Variants in TRPC7 observed in about 807,000 individuals in gnomAD.
TRPC7 encodes short transient receptor potential channel 7.
Under a neutral mutation model 90.1 loss-of-function variants are expected in TRPC7, and 42 were observed. The observed-to-expected ratio is 0.47, with a 90% confidence interval of 0.36 to 0.60. The LOEUF (loss-of-function observed/expected upper bound fraction) is 0.60. Among genes scored for constraint, TRPC7 ranks in the 20% least tolerant of loss-of-function variants. The pLI is 0.00. For missense variants in TRPC7, 955 were observed against 1,112.3 expected, an observed-to-expected ratio of 0.86 and a Z score of 2.01; for synonymous variants, 451 against 436.3, an observed-to-expected ratio of 1.03 and a Z score of -0.42.
At chr5:136,289,711 C>A (rs1049794309) in intron 3 of TRPC7, among the ~76,000 whole-genome samples, 1 of 152,246 alleles carries the variant, frequency 6.6e-6, no homozygotes, top group Non-Finnish European at 1.5e-5. Context: ...GGCTCCACCT[C>A]TAGGGGCAGG....
At position 136,357,053 on chromosome 5, in the gene TRPC7, A is replaced by C; in HGVS notation, c.335T>G (p.Leu112Arg). The C allele has an allele frequency of 6.2e-7, 1 of 1,613,680 alleles. No homozygotes were observed. The highest frequency in any genetic ancestry group is 1.6e-4 in the Middle Eastern group (1 of 6,062). Residue 112 changes from leucine (L) to arginine (R), a missense_variant, in exon 2 of 12, where the codon CTG becomes CGG. Transcript: ENST00000513104. ...GCGCACATAGCCCTTGCTGATGGCC[A>C]GCAGCAGCGCGTCCCCCACCCGTGC... Reference protein sequence around the residue: ...NLARVGDALLLAISKGYVRIV... With the variant: ...NLARVGDALLRAISKGYVRIV...
At chr5:136,290,685 G>A (rs1368384564) in intron 3 of TRPC7, among the ~76,000 whole-genome samples, 3 of 152,178 alleles carry the variant, frequency 2.0e-5, no homozygotes, top group African/African-American at 7.2e-5. Flanking sequence ...TGAAAGTGAC[G>A]GGGAGAATGG....
At chr5:136,299,188 C>T (rs1306057696) in intron 3 of TRPC7, among the ~76,000 whole-genome samples, 1 of 151,902 alleles carries the variant, frequency 6.6e-6, no homozygotes, top group Non-Finnish European at 1.5e-5. Context: ...GTAATCCCAG[C>T]TACTCGGGAG....
At chr5:136,225,026 G>A (rs983869960) in intron 10 of TRPC7, among the ~76,000 whole-genome samples, 5 of 152,194 alleles carry the variant, frequency 3.3e-5, no homozygotes, top group Non-Finnish European at 4.4e-5. Flanking sequence ...ACTTATCTGT[G>A]TGTTGACTTG....
At chr5:136,219,673 G>T (rs1424301607) in intron 10 of TRPC7, among the ~76,000 whole-genome samples, 1 of 152,206 alleles carries the variant, frequency 6.6e-6, no homozygotes, top group Admixed American at 6.5e-5. Context: ...GGTTGAGGCA[G>T]GAGAATTGCT....
chr5:136,285,764 CTA>C (rs1166684411), intron 3 of TRPC7, among the ~76,000 whole-genome samples: 9 of 152,308 alleles, frequency 5.9e-5, no homozygotes, highest in Middle Eastern at 3.4e-3. Flanking sequence ...TGGCTGCTAA[CTA>C]TGCTTAGAAA....
Position 136,213,356 on chromosome 5 carries a change from T to A in TRPC7, c.*79A>T, listed in dbSNP as rs1755154151. 2.0e-6 allele frequency: 3 copies of A among 1,490,546 alleles called. No individual in the cohort carries two copies. The highest frequency in any genetic ancestry group is 2.5e-5 in the South Asian group (2 of 79,032). 92.3% of individuals were successfully genotyped at this position (1,490,546 alleles called of 1,614,324 possible). On this transcript the variant is annotated 3_prime_UTR_variant, in exon 12 of 12. Coordinates refer to ENST00000513104, the MANE Select transcript of TRPC7 (RefSeq NM_020389.3). Reference sequence around the variant, plus strand: ...CCTAGAGGAGTGGGCTGGGGACCCCTCCCCACCAAGGATGGGGGCGAGGGC... The same window carrying A: ...CCTAGAGGAGTGGGCTGGGGACCCCACCCCACCAAGGATGGGGGCGAGGGC...
chr5:136,287,085 G>A (rs778205824), intron 3 of TRPC7, among the ~76,000 whole-genome samples: 10 of 152,134 alleles, frequency 6.6e-5, no homozygotes, highest in Non-Finnish European at 1.5e-4. Flanking sequence ...CGCTCCCTAA[G>A]CCATGAACGC....
intron 6 of TRPC7, among the ~76,000 whole-genome samples, chr5:136,248,635 A>G (rs2149804520): frequency 6.6e-6 from 1 of 152,330 alleles, no homozygotes; most frequent in East Asian, 1.9e-4. Context: ...TTGCCACGAC[A>G]GCCCTGTTCC....
At chr5:136,262,373 C>CT (rs1171106337) in intron 5 of TRPC7, among the ~76,000 whole-genome samples, 1 of 152,192 alleles carries the variant, frequency 6.6e-6, no homozygotes, top group Non-Finnish European at 1.5e-5. Flanking sequence ...CTGAATCCAG[C>CT]TTTAACACAT....
chr5:136,286,743 T>G (rs1023963735), intron 3 of TRPC7, among the ~76,000 whole-genome samples: 1 of 152,128 alleles, frequency 6.6e-6, no homozygotes, highest in Admixed American at 6.5e-5. Flanking sequence ...TGCCCATCAG[T>G]TTCTAGTTAT....
chr5:136,314,944 C>G (rs1370948420), intron 3 of TRPC7, among the ~76,000 whole-genome samples: 1 of 152,098 alleles, frequency 6.6e-6, no homozygotes, highest in Non-Finnish European at 1.5e-5. Context: ...ACATAATTTA[C>G]TTTTGCTCCT....
rs1459257381 is a variant in TRPC7 at position 136,226,058 on chromosome 5, C to T, written c.2238G>A (p.Met746Ile). Reference sequence around the variant, plus strand: ...CCTTGAATTTGGAATTCAGCATGCCCATTTCAAGGTCATTTTCACAGCTTT... The same window carrying T: ...CCTTGAATTTGGAATTCAGCATGCCTATTTCAAGGTCATTTTCACAGCTTT... ...KAKSCENDLE[M>I]GMLNSKFKKT... Residue 746 changes from methionine to isoleucine, a missense_variant, in exon 9 of 12, where the codon ATG becomes ATA. This residue lies in a region of TRPC7 where 296 missense variants were observed against 422.7 expected (regional missense o/e 0.70). Transcript: ENST00000513104. 1 of 1,601,042 alleles carries T rather than the reference C, an allele frequency of 6.2e-7. No homozygotes were observed. The highest frequency in any genetic ancestry group is 8.5e-7 in the Non-Finnish European group (1 of 1,173,168).
intron 3 of TRPC7, among the ~76,000 whole-genome samples, chr5:136,295,135 T>C (rs1371750659): frequency 6.6e-6 from 1 of 151,538 alleles, no homozygotes; most frequent in Non-Finnish European, 1.5e-5. Flanking sequence ...CCGGGGCCTG[T>C]TGTGGGGTGG....
intron 10 of TRPC7, 62 bp downstream of exon 10, chr5:136,225,212 A>G: frequency 7.0e-7 from 1 of 1,436,222 alleles, no homozygotes; most frequent in Non-Finnish European, 9.7e-7. Context: ...ATGGGACTAA[A>G]TCTGTGTCTT....
chr5:136,289,000 C>G (rs1306870902), intron 3 of TRPC7, among the ~76,000 whole-genome samples: 1 of 152,194 alleles, frequency 6.6e-6, no homozygotes, highest in Admixed American at 6.5e-5. Flanking sequence ...TGAATTTCAG[C>G]CTGATGGTTA....
intron 8 of TRPC7, 136 bp from the exon 9 acceptor site, chr5:136,226,391 G>A: frequency 3.1e-6 from 2 of 653,866 alleles, no homozygotes; most frequent in African/African-American, 3.6e-5. Context: ...TTTTTCTACA[G>A]ATGGCACAGA....
At chr5:136,233,479 A>G (rs568338367) in intron 7 of TRPC7, among the ~76,000 whole-genome samples, 1 of 152,336 alleles carries the variant, frequency 6.6e-6, no homozygotes, top group East Asian at 1.9e-4. Context: ...GTGGAAGGGA[A>G]CAGTGGCAGA....
At chr5:136,223,613 A>C (rs1755532489) in intron 10 of TRPC7, among the ~76,000 whole-genome samples, 1 of 152,050 alleles carries the variant, frequency 6.6e-6, no homozygotes, top group African/African-American at 2.4e-5. Context: ...AATCTGTCTA[A>C]AATCAATAAA....
Sources: gnomAD v4.1 joint callset for allele counts (sites outside exome capture counted in the v4.1 genomes callset) on GRCh38, gnomAD v4.1.1 for gene constraint, gnomAD v4.1.1 regional missense constraint, MANE v1.5 for transcripts, NCBI Gene and HGNC (gene_info 2026-07-23, HGNC 2026-07-21) for gene names.